Variants in ZMYND8 observed in about 807,000 individuals in gnomAD.
ZMYND8 encodes MYND-type zinc finger-containing chromatin reader ZMYND8.
A neutral mutation model predicts 140.8 loss-of-function variants in ZMYND8; 37 were observed. The observed-to-expected ratio is 0.26, with a 90% CI of 0.20 to 0.35. ZMYND8 has a LOEUF of 0.35. Ranked by LOEUF, ZMYND8 falls within the 10% of genes least tolerant of loss-of-function variation. The pLI is 1.00. For synonymous variants in ZMYND8, 592 were observed against 597.1 expected (o/e 0.99, Z 0.12); for missense variants, 1,068 against 1,570.0 (o/e 0.68, Z 5.40).
intron 16 of ZMYND8, among the ~76,000 whole-genome samples, chr20:47,232,329 A>G (rs761391259): frequency 3.9e-5 from 6 of 152,074 alleles, no homozygotes; most frequent in Non-Finnish European, 7.4e-5. Flanking sequence ...AGCTGAGATT[A>G]CACTGCTGCA....
At chr20:47,280,400 A>G (rs117611135) in intron 10 of ZMYND8, among the ~76,000 whole-genome samples, 1 of 152,312 alleles carries the variant, frequency 6.6e-6, no homozygotes, top group East Asian at 1.9e-4. Context: ...CTCATCCAGA[A>G]CCAAGACCTA....
intron 11 of ZMYND8, among the ~76,000 whole-genome samples, chr20:47,266,959 T>A (rs1295928029): frequency 6.6e-6 from 1 of 152,138 alleles, no homozygotes; most frequent in Non-Finnish European, 1.5e-5. Flanking sequence ...TGGATACGAA[T>A]GTGCACAAGC....
At chr20:47,326,193 C>T (rs1440625847) in intron 2 of ZMYND8, among the ~76,000 whole-genome samples, 2 of 152,074 alleles carry the variant, frequency 1.3e-5, no homozygotes, top group Admixed American at 1.3e-4. Context: ...CTCCTGACCT[C>T]GTGATCCGCC....
In ZMYND8 at chr20:47,228,927, T is replaced by G. The variant is rs189659346; in HGVS notation, c.2937+799A>C. On this transcript the variant is annotated intron_variant, in intron 17 of 22. Transcript: ENST00000471951. ...CCACTCTCCAAGCCCTGATAGGGAA[T>G]TAGCCTAAAGGGGAAGTTCAGGGAG... Among the ~76,000 whole-genome samples the G allele has an allele frequency of 6.9e-4, 105 of 152,248 alleles. 1 individual carries two copies. Among genetic ancestry groups the G allele is most frequent in the Non-Finnish European group, 1.1e-3 (72 of 68,014 alleles).
intron 13 of ZMYND8, 63 bp downstream of exon 13, chr20:47,249,224 T>C (rs528714540): frequency 5.8e-5 from 90 of 1,558,390 alleles, no homozygotes; most frequent in Non-Finnish European, 6.7e-5. Context: ...ATCCAGGTGG[T>C]ATCCCTACCA....
intron 14 of ZMYND8, among the ~76,000 whole-genome samples, chr20:47,243,456 A>C (rs1034923496): frequency 2.0e-5 from 3 of 152,248 alleles, no homozygotes; most frequent in Non-Finnish European, 4.4e-5. Flanking sequence ...TTCAGACATC[A>C]ATGTGAGGAA....
At chr20:47,344,786 C>G (rs932938524) in intron 2 of ZMYND8, among the ~76,000 whole-genome samples, 15 of 152,162 alleles carry the variant, frequency 9.9e-5, no homozygotes, top group African/African-American at 3.6e-4. Context: ...AAATCTAATA[C>G]TACTGTTAAA....
At chr20:47,310,341 C>T (rs2078827807) in intron 2 of ZMYND8, 137 bp from the exon 3 acceptor site, 1 of 994,152 alleles carries the variant, frequency 1.0e-6, no homozygotes, top group Non-Finnish European at 1.5e-6. Flanking sequence ...CAGTGTTCCT[C>T]CTCCCAGAAT....
At chr20:47,277,465 G>A (rs1410429720) in intron 10 of ZMYND8, among the ~76,000 whole-genome samples, 1 of 152,168 alleles carries the variant, frequency 6.6e-6, no homozygotes, top group Non-Finnish European at 1.5e-5. Context: ...GCCCCCGGGG[G>A]AGGTGCAAAC....
intron 2 of ZMYND8, among the ~76,000 whole-genome samples, chr20:47,333,748 A>C (rs1176201477): frequency 7.0e-6 from 1 of 141,956 alleles, no homozygotes; most frequent in East Asian, 2.0e-4. Context: ...AAAAAAAAAA[A>C]AAAAAAAACA....
intron 21 of ZMYND8, among the ~76,000 whole-genome samples, chr20:47,216,153 C>G (rs998366912): frequency 9.2e-5 from 14 of 152,046 alleles, no homozygotes; most frequent in Non-Finnish European, 1.5e-4. Context: ...TGAGAAATAG[C>G]CATCATGGAC....
chr20:47,222,555 A>C (rs2146950295), intron 19 of ZMYND8, among the ~76,000 whole-genome samples: 1 of 152,326 alleles, frequency 6.6e-6, no homozygotes, highest in East Asian at 1.9e-4. Flanking sequence ...AAAAAGGAAA[A>C]GAAAAACGCG....
intron 19 of ZMYND8, 68 bp downstream of exon 19, chr20:47,224,249 A>T (rs2037389391): frequency 6.3e-7 from 1 of 1,591,678 alleles, no homozygotes; most frequent in Admixed American, 1.7e-5. Flanking sequence ...AGACCCCTGA[A>T]GTCCACAGGG....
chr20:47,350,213 G>C (rs1388335062), intron 1 of ZMYND8, among the ~76,000 whole-genome samples: 1 of 150,236 alleles, frequency 6.7e-6, no homozygotes, highest in East Asian at 2.0e-4. Flanking sequence ...CTTTTTCACA[G>C]ATCAGCAAAC....
intron 3 of ZMYND8, among the ~76,000 whole-genome samples, chr20:47,302,873 G>A (rs2078171621): frequency 6.6e-6 from 1 of 152,138 alleles, no homozygotes; most frequent in African/African-American, 2.4e-5. Context: ...TGACAGAAGG[G>A]GACAGCATCC....
At chr20:47,318,805 C>T (rs1426226802) in intron 2 of ZMYND8, 3 of 552,010 alleles carry the variant, frequency 5.4e-6, no homozygotes, top group East Asian at 1.4e-4. Flanking sequence ...TCATCCAGAG[C>T]CGGGATAGGG....
At position 47,262,285 on chromosome 20, in the gene ZMYND8, G is replaced by C; in HGVS notation, c.1621+3C>G. ...AAAGATACTGGCAAAAATTCTGACT[G>C]ACCCAGGTTAAGATTCAGGATGCTG... On this transcript the variant is annotated splice_donor_region_variant and intron_variant, in intron 12 of 22. Transcript: ENST00000471951. 1 of 1,614,088 alleles carries C rather than the reference G, an allele frequency of 6.2e-7. No homozygotes were observed. The highest frequency in any genetic ancestry group is 8.5e-7 in the Non-Finnish European group (1 of 1,180,008).
intron 2 of ZMYND8, among the ~76,000 whole-genome samples, chr20:47,333,724 C>CA (rs57968979): frequency 0.016 from 488 of 29,734 alleles, 82 homozygotes; most frequent in African/African-American, 0.022. Flanking sequence ...GACTCCGTCT[C>CA]AAAAAAAAAA....
chr20:47,212,591 G>T, intron 22 of ZMYND8, 51 bp downstream of exon 22: 1 of 1,588,150 alleles, frequency 6.3e-7, no homozygotes, highest in Non-Finnish European at 8.6e-7. Context: ...CAAGCCTTCT[G>T]CATACCAGGA....
Sources: gnomAD v4.1 joint callset for allele counts (sites outside exome capture counted in the v4.1 genomes callset) on GRCh38, gnomAD v4.1.1 for gene constraint, MANE v1.5 for transcripts, NCBI Gene and HGNC (gene_info 2026-07-23, HGNC 2026-07-21) for gene names.